The following MCCC1 variants were observed in gnomAD, a reference collection of about 807,000 sequenced individuals.
The protein encoded by MCCC1 is methylcrotonoyl-CoA carboxylase subunit alpha, mitochondrial.
A neutral mutation model predicts 83.8 loss-of-function variants in MCCC1; 64 were observed. That is an observed-to-expected ratio of 0.76 (90% CI 0.62 to 0.94). MCCC1 has a LOEUF of 0.94. Ranked by LOEUF, MCCC1 falls within the 40% of genes least tolerant of loss-of-function variation. The pLI is 0.00. For missense variants in MCCC1, 807 were observed against 904.7 expected (o/e 0.89, Z 1.39); for synonymous variants, 322 against 315.4 (o/e 1.02, Z -0.22).
intron 12 of MCCC1, 150 bp downstream of exon 12, chr3:183,038,876 C>T: frequency 1.3e-6 from 1 of 741,408 alleles, no homozygotes; most frequent in South Asian, 1.6e-5. Context: ...CTGGCCCACG[C>T]AAAATTCTCC....
intron 11 of MCCC1, 143 bp from the exon 12 acceptor site, chr3:183,039,278 A>G (rs1256783692): frequency 1.1e-6 from 1 of 896,738 alleles, no homozygotes; most frequent in East Asian, 2.7e-5. Context: ...TTTATTCATG[A>G]GGACCCTGAG....
intron 9 of MCCC1, among the ~76,000 whole-genome samples, chr3:183,051,534 CAG>C (rs773439391): frequency 3.9e-5 from 6 of 152,050 alleles, no homozygotes; most frequent in Non-Finnish European, 2.9e-5. Flanking sequence ...GATGAATAGA[CAG>C]AGCACAGAGG....
chr3:183,033,693 G>T (rs1467671314), intron 14 of MCCC1, among the ~76,000 whole-genome samples: 6 of 151,462 alleles, frequency 4.0e-5, no homozygotes, highest in Non-Finnish European at 8.8e-5. Flanking sequence ...GTTTTTTTGG[G>T]CATATTTCTA....
intron 14 of MCCC1, among the ~76,000 whole-genome samples, chr3:183,032,750 T>G (rs144939660): frequency 0.022 from 3,306 of 151,990 alleles, 121 homozygotes; most frequent in African/African-American, 0.076. Context: ...GGTGGGTGCC[T>G]GTAGTCTCAG....
At chr3:183,085,859 T>C (rs1166825300) in intron 4 of MCCC1, among the ~76,000 whole-genome samples, 1 of 151,886 alleles carries the variant, frequency 6.6e-6, no homozygotes, top group Admixed American at 6.6e-5. Context: ...AAGCTTTCCT[T>C]CTCCTCACCG....
chr3:183,086,562 A>T, intron 4 of MCCC1, 131 bp downstream of exon 4: 2 of 811,688 alleles, frequency 2.5e-6, no homozygotes, highest in Admixed American at 4.0e-5. Flanking sequence ...TGCCTAGTTT[A>T]CAATGATAAT....
chr3:183,097,252 A>G (rs984311284), intron 1 of MCCC1, among the ~76,000 whole-genome samples: 27 of 152,204 alleles, frequency 1.8e-4, no homozygotes, highest in Admixed American at 1.4e-3. Flanking sequence ...GTCTCAAAAA[A>G]AAAAAAAGAA....
chr3:183,111,149 A>G (rs745399214), intron 1 of MCCC1, among the ~76,000 whole-genome samples: 11 of 152,230 alleles, frequency 7.2e-5, no homozygotes, highest in Non-Finnish European at 1.5e-4. Flanking sequence ...AGGCAAACTC[A>G]GGACAGGATA....
chr3:183,115,839 C>T (rs1475377246), exon 1 of MCCC1: 1 of 151,738 alleles, frequency 6.6e-6, no homozygotes, highest in Non-Finnish European at 1.5e-5. Context: ...GTGACAAGAG[C>T]AAAACTCCAT....
intron 1 of MCCC1, among the ~76,000 whole-genome samples, chr3:183,113,983 T>C (rs1719547263): frequency 6.6e-6 from 1 of 152,148 alleles, no homozygotes; most frequent in Admixed American, 6.5e-5. Flanking sequence ...CACCAGGCCT[T>C]GTTTCTCCCT....
In MCCC1 at chr3:183,028,508, G is replaced by A. The variant is rs966256131; in HGVS notation, c.1682-2704C>T. 4.6e-5 allele frequency among the ~76,000 whole-genome samples: 7 copies of A among 152,252 alleles called. No individual in the cohort carries two copies. In the South Asian group the frequency reaches 1.2e-3, roughly 27 times the overall value. ...TGCCATACATTGTGAGTCTTCTGAT[G>A]GATCTAGGCAAAGTAAATTGAAAAC... On this transcript the variant is annotated intron_variant, in intron 14 of 18. Transcript: ENST00000265594.
At chr3:183,113,611 G>A (rs1719537585) in intron 1 of MCCC1, among the ~76,000 whole-genome samples, 3 of 151,598 alleles carry the variant, frequency 2.0e-5, no homozygotes, top group Admixed American at 2.0e-4. Context: ...GCTGAGGTGG[G>A]AGGTTCCCTT....
intron 7 of MCCC1, among the ~76,000 whole-genome samples, chr3:183,068,692 T>C (rs1261663940): frequency 3.3e-5 from 5 of 152,174 alleles, no homozygotes; most frequent in Admixed American, 6.5e-5. Flanking sequence ...GCATATAGGA[T>C]GGTGATTTCA....
chr3:183,063,209 C>T (rs1241525005), intron 7 of MCCC1, among the ~76,000 whole-genome samples: 1 of 151,666 alleles, frequency 6.6e-6, no homozygotes, highest in Non-Finnish European at 1.5e-5. Context: ...GTCTTGATCT[C>T]CTGACCTCGT....
chr3:183,049,073 T>C (rs922366618), intron 9 of MCCC1, among the ~76,000 whole-genome samples: 8 of 152,198 alleles, frequency 5.3e-5, no homozygotes, highest in South Asian at 4.1e-4. Context: ...CTTTCAAAAT[T>C]TGTAGAATGC....
chr3:183,096,418 C>G (rs1718740032), intron 1 of MCCC1, among the ~76,000 whole-genome samples: 1 of 152,084 alleles, frequency 6.6e-6, no homozygotes, highest in Admixed American at 6.6e-5. Flanking sequence ...ATCTTTTTGT[C>G]TATACCTGGA....
chr3:183,015,691 G>A (rs1577227120), intron 18 of MCCC1, 125 bp from the exon 19 acceptor site: 17 of 1,146,030 alleles, frequency 1.5e-5, no homozygotes, highest in South Asian at 3.7e-5. Context: ...GTCATCTCTC[G>A]GTGCTTTCCA....
At chr3:183,017,843 GCCC>G (rs1179190579) in intron 17 of MCCC1, 21 of 158,970 alleles carry the variant, frequency 1.3e-4, no homozygotes, top group South Asian at 1.8e-4. Context: ...GAGGCCTACA[GCCC>G]AAATGCACTG....
At chr3:183,028,287 G>C (rs906431391) in intron 14 of MCCC1, among the ~76,000 whole-genome samples, 5 of 152,174 alleles carry the variant, frequency 3.3e-5, no homozygotes, top group Non-Finnish European at 7.3e-5. Flanking sequence ...ATAGTGCTCA[G>C]ATAAAAAGAT....
Sources: allele counts gnomAD v4.1 joint callset (sites outside exome capture counted in the v4.1 genomes callset), GRCh38; gene constraint gnomAD v4.1.1; transcripts MANE v1.5; gene names NCBI Gene and HGNC (gene_info 2026-07-23, HGNC 2026-07-21).